Variants in TIPIN observed in about 807,000 individuals in gnomAD.
TIPIN encodes the protein TIMELESS interacting protein.
In TIPIN, 29 loss-of-function variants were observed where a neutral mutation model predicts 35.6. The ratio of observed to expected loss-of-function variants is 0.82; its 90% CI spans 0.61 to 1.11. TIPIN has a LOEUF of 1.11. Ranked by LOEUF, TIPIN falls within the 50% of genes most tolerant of loss-of-function variation. The pLI, the probability that TIPIN is intolerant of heterozygous loss-of-function variation, is 0.00. For missense variants in TIPIN, 296 were observed against 345.4 expected (o/e 0.86, Z 1.13); for synonymous variants, 102 against 121.5 (o/e 0.84, Z 1.06).
At chr15:66,343,960 T>C (rs1454157603) in intron 6 of TIPIN, among the ~76,000 whole-genome samples, 1 of 152,096 alleles carries the variant, frequency 6.6e-6, no homozygotes, top group Non-Finnish European at 1.5e-5. Flanking sequence ...ATCACACCAC[T>C]GCACTCCAGC....
rs1440531881 is a variant in TIPIN at position 66,336,911 on chromosome 15, G to C, written c.*47C>G. The C allele has an allele frequency of 6.5e-7, 1 of 1,545,364 alleles. No homozygotes were observed. Among genetic ancestry groups the C allele is most frequent in the Non-Finnish European group, 8.9e-7 (1 of 1,127,304 alleles). On this transcript the variant is annotated 3_prime_UTR_variant, in exon 8 of 8. Transcript: ENST00000261881. Reference sequence around the variant, plus strand: ...AAGAAAAAATACATAGTAACGCCAAGCTTGCAGGACGATGACTTAACAGAT... The same window carrying C: ...AAGAAAAAATACATAGTAACGCCAACCTTGCAGGACGATGACTTAACAGAT...
chr15:66,365,784 A>T (rs2093251700), intron 1 of TIPIN, among the ~76,000 whole-genome samples: 1 of 152,044 alleles, frequency 6.6e-6, no homozygotes, highest in Non-Finnish European at 1.5e-5. Flanking sequence ...TGACCTCGTG[A>T]TCTGCCCGCC....
intron 6 of TIPIN, among the ~76,000 whole-genome samples, chr15:66,345,665 C>T (rs528927435): frequency 1.3e-5 from 2 of 151,776 alleles, no homozygotes; most frequent in African/African-American, 4.8e-5. Flanking sequence ...GAGCCGAGAT[C>T]GCACCACTGC....
chr15:66,351,697 G>A, intron 3 of TIPIN, 97 bp from the exon 4 acceptor site: 1 of 1,007,644 alleles, frequency 9.9e-7, no homozygotes. Context: ...GGATGCGGTG[G>A]CGCGATCTCG....
intron 1 of TIPIN, among the ~76,000 whole-genome samples, chr15:66,382,529 T>C (rs979422543): frequency 6.6e-6 from 1 of 152,096 alleles, no homozygotes; most frequent in Admixed American, 6.6e-5. Context: ...CATGTGCCAC[T>C]ATGCCTGTCT....
intron 7 of TIPIN, among the ~76,000 whole-genome samples, chr15:66,339,811 C>A (rs1220677665): frequency 6.6e-6 from 1 of 151,954 alleles, no homozygotes; most frequent in Non-Finnish European, 1.5e-5. Flanking sequence ...TAAAGATAAG[C>A]AAATTAAACA....
intron 1 of TIPIN, among the ~76,000 whole-genome samples, chr15:66,386,032 A>G (rs1338964135): frequency 2.0e-5 from 3 of 149,180 alleles, no homozygotes; most frequent in Non-Finnish European, 4.5e-5. Flanking sequence ...GGGCCTCCCA[A>G]AATTGGGATT....
chr15:66,371,472 G>C, intron 1 of TIPIN: 1 of 707,072 alleles, frequency 1.4e-6, no homozygotes, highest in Non-Finnish European at 1.7e-6. Context: ...GAAAAAAAAA[G>C]TTTTTCCATG....
chr15:66,340,238 G>C (rs537993027), intron 7 of TIPIN, among the ~76,000 whole-genome samples: 172 of 125,780 alleles, frequency 1.4e-3, no homozygotes, highest in Non-Finnish European at 2.2e-3. Flanking sequence ...AGTGCAATGG[G>C]TTGATCTCAG....
At chr15:66,360,422 AT>A (rs776776577), upstream of TIPIN, among the ~76,000 whole-genome samples, 7 of 152,172 alleles carry the variant, frequency 4.6e-5, no homozygotes, top group East Asian at 1.4e-3. Context: ...CCTGGGCAAC[AT>A]GGTAAAACCC....
intron 1 of TIPIN, chr15:66,371,508 G>T: frequency 2.1e-6 from 1 of 483,688 alleles, no homozygotes; most frequent in Non-Finnish European, 2.7e-6. Context: ...CTTTTCTCTG[G>T]TAATTGTTTC....
chr15:66,356,723 G>C (rs190954242), upstream of TIPIN: 338 of 985,434 alleles, frequency 3.4e-4, 2 homozygotes, highest in African/African-American at 5.7e-3. Context: ...CTCCTGGGGC[G>C]AGAAGGGCCC....
At chr15:66,355,502 C>T (rs1480488506) in intron 1 of TIPIN, among the ~76,000 whole-genome samples, 5 of 151,962 alleles carry the variant, frequency 3.3e-5, no homozygotes, top group Middle Eastern at 3.4e-3. Context: ...GTAATCCCAG[C>T]ACTATGGGAG....
rs2093281647 is a variant in TIPIN at position 66,372,631 on chromosome 15, A to AC, written c.-9+13975dup. ...ATAAGAGTACAATAATAGGGCCGGG[A>AC]CCTGTGGCTCACGCCTGTAATCCCA... On this transcript the variant is annotated intron_variant, in intron 1 of 7. Transcript: ENST00000562124. Among the ~76,000 whole-genome samples, 4 of 152,162 alleles carry AC rather than the reference A, an allele frequency of 2.6e-5. No individual in the cohort carries two copies. In the South Asian group the frequency reaches 8.3e-4, roughly 31 times the overall value.
rs899877125 is a variant in TIPIN, at chr15:66,356,685, T to A, written c.-55A>T. 1.2e-4 allele frequency: 118 copies of A among 985,380 alleles called. No homozygotes were observed. The African/African-American group carries it at 2.0e-3, about 16-fold the overall frequency. 61.0% of individuals were successfully genotyped at this position (985,380 alleles called of 1,614,324 possible). The stretch of plus-strand genomic sequence containing the variant: ...ACAGCGCGGACCTCGGCGTGCAGAC[T>A]AAGCGCGCTTCTCGCGATACTCGGG... On this transcript the variant is annotated 5_prime_UTR_variant, in exon 1 of 8. Coordinates refer to ENST00000261881, the MANE Select transcript of TIPIN (RefSeq NM_017858.3).
chr15:66,356,678 T>G lies in TIPIN; in HGVS notation c.-48A>C, dbSNP rs62626357. On this transcript the variant is annotated 5_prime_UTR_variant, in exon 1 of 8. Coordinates refer to ENST00000261881, the MANE Select transcript of TIPIN (RefSeq NM_017858.3). ...ACGGGACACAGCGCGGACCTCGGCG[T>G]GCAGACTAAGCGCGCTTCTCGCGAT... is the stretch of plus-strand genomic sequence containing the variant. 6.1e-4 allele frequency: 605 copies of G among 985,574 alleles called. 3 individuals carry two copies. The African/African-American group carries it at 1.0e-2, about 16-fold the overall frequency. 61.1% of individuals were successfully genotyped at this position (985,574 alleles called of 1,614,324 possible).
intron 1 of TIPIN, 35 bp downstream of exon 1, chr15:66,356,604 G>A: frequency 1.0e-6 from 1 of 986,034 alleles, no homozygotes; most frequent in Non-Finnish European, 1.2e-6. Flanking sequence ...CCCTCTCCCC[G>A]CAAGAACTTC....
In TIPIN at chr15:66,349,345, A is replaced by G; in HGVS notation, c.381T>C (p.Val127=). 2 of 1,614,034 alleles carry G rather than the reference A, an allele frequency of 1.2e-6. No homozygotes were observed. Among genetic ancestry groups the G allele is most frequent in the Non-Finnish European group, 1.7e-6 (2 of 1,180,024 alleles). The part of the protein sequence containing the change: ...KLQFEDFIDR[V]EYLGSKKEVQ... The stretch of plus-strand genomic sequence containing the variant: ...CTTCCTTTTTACTTCCCAGGTATTC[A>G]ACTCTGTCAATAAAATCCTCAAACT... The change falls in exon 5 of 8, where the codon GTT becomes GTC. Residue 127 remains valine, a synonymous_variant. Transcript: ENST00000261881.
At chr15:66,337,429 C>T (rs577903493) in intron 7 of TIPIN, among the ~76,000 whole-genome samples, 18 of 150,614 alleles carry the variant, frequency 1.2e-4, no homozygotes, top group African/African-American at 4.1e-4. Flanking sequence ...TCAAGTGATT[C>T]TCCTGCCTCA....
Sources: allele counts gnomAD v4.1 joint callset (sites outside exome capture counted in the v4.1 genomes callset), GRCh38; gene constraint gnomAD v4.1.1; transcripts MANE v1.5; gene names NCBI Gene and HGNC (gene_info 2026-07-23, HGNC 2026-07-21).